UBE2R2: variants seen among roughly 807,000 people sequenced by gnomAD.
UBE2R2 encodes the protein ubiquitin-conjugating enzyme E2 R2.
Under a neutral mutation model 27.8 loss-of-function variants are expected in UBE2R2, and 1 was observed. The observed-to-expected ratio is 0.04, with a 90% CI of 0.01 to 0.17. The LOEUF (loss-of-function observed/expected upper bound fraction) is 0.17. Ranked by LOEUF, UBE2R2 falls within the 10% of genes least tolerant of loss-of-function variation. UBE2R2 has a pLI of 1.00. For synonymous variants in UBE2R2, 106 were observed against 113.3 expected (o/e 0.94, Z 0.41); for missense variants, 100 against 291.0 (o/e 0.34, Z 4.78).
chr9:33,822,836 G>C (rs896765506), intron 1 of UBE2R2, among the ~76,000 whole-genome samples: 3 of 150,810 alleles, frequency 2.0e-5, no homozygotes, highest in African/African-American at 7.3e-5. Context: ...AAACAAACCA[G>C]ACTTAGCCTA....
At chr9:33,915,536 C>A (rs1161232570) in intron 4 of UBE2R2, among the ~76,000 whole-genome samples, 3 of 152,080 alleles carry the variant, frequency 2.0e-5, no homozygotes, top group Non-Finnish European at 4.4e-5. Context: ...AGCAAGGCAA[C>A]AGAAGAAAAG....
At chr9:33,853,535 T>C (rs1437145469) in intron 1 of UBE2R2, among the ~76,000 whole-genome samples, 1 of 152,128 alleles carries the variant, frequency 6.6e-6, no homozygotes, top group South Asian at 2.1e-4. Flanking sequence ...TCCGCCCGCC[T>C]TGGCCTCCCA....
intron 2 of UBE2R2, among the ~76,000 whole-genome samples, chr9:33,899,357 G>A (rs1449627668): frequency 1.3e-5 from 2 of 151,828 alleles, no homozygotes; most frequent in African/African-American, 2.4e-5. Context: ...GTGCCACCAC[G>A]CCCGGCTAAT....
chr9:33,816,135 T>G (rs892507639), upstream of UBE2R2, among the ~76,000 whole-genome samples: 3 of 152,132 alleles, frequency 2.0e-5, no homozygotes, highest in Admixed American at 6.6e-5. Context: ...GGAACTAGGG[T>G]TGGAACCAAG....
At chr9:33,896,281 CT>C (rs141400502) in intron 2 of UBE2R2, among the ~76,000 whole-genome samples, 2 of 151,858 alleles carry the variant, frequency 1.3e-5, no homozygotes, top group Non-Finnish European at 2.9e-5. Flanking sequence ...ACTCAGTTTC[CT>C]TTTTTTCTTT....
chr9:33,873,984 G>A (rs1396087886), intron 1 of UBE2R2, among the ~76,000 whole-genome samples: 2 of 142,854 alleles, frequency 1.4e-5, no homozygotes, highest in African/African-American at 5.2e-5. Flanking sequence ...ATTTCGTTCT[G>A]TCACCCAGGC....
intron 1 of UBE2R2, among the ~76,000 whole-genome samples, chr9:33,865,051 G>A (rs968224773): frequency 6.0e-5 from 9 of 150,638 alleles, no homozygotes; most frequent in African/African-American, 2.2e-4. Flanking sequence ...TGTAGAGATG[G>A]GGTCTTGACA....
chr9:33,855,002 G>A (rs1821067687), intron 1 of UBE2R2, among the ~76,000 whole-genome samples: 1 of 114,956 alleles, frequency 8.7e-6, no homozygotes, highest in African/African-American at 3.5e-5. Flanking sequence ...ATCAATGATG[G>A]GCATGATAGT....
intron 1 of UBE2R2, among the ~76,000 whole-genome samples, chr9:33,867,549 T>G (rs564674260): frequency 1.6e-4 from 25 of 152,244 alleles, no homozygotes; most frequent in Non-Finnish European, 3.4e-4. Context: ...ATGAGAGTTA[T>G]GGTAGTTTTG....
rs1039002943 is a variant in UBE2R2 at position 33,837,590 on chromosome 9, T to C, written c.177+19656T>C. Among the ~76,000 whole-genome samples, 16 of 152,040 alleles carry C rather than the reference T, an allele frequency of 1.1e-4. 1 individual carries two copies. The highest frequency in any genetic ancestry group is 3.1e-4 in the African/African-American group (13 of 41,410). On this transcript the variant is annotated intron_variant, in intron 1 of 4. Transcript: ENST00000263228. ...GTAGGCACCTGCTACCACACCCAGC[T>C]AATTTTTATATTTTTAGTAGAGATG...
intron 1 of UBE2R2, among the ~76,000 whole-genome samples, chr9:33,865,819 T>C (rs1052800199): frequency 5.9e-5 from 9 of 151,864 alleles, no homozygotes; most frequent in African/African-American, 1.9e-4. Flanking sequence ...TTTAGTTTTT[T>C]TGTGTGTTTT....
intron 1 of UBE2R2, among the ~76,000 whole-genome samples, chr9:33,851,135 G>A (rs983077038): frequency 1.3e-4 from 19 of 151,902 alleles, no homozygotes; most frequent in African/African-American, 4.1e-4. Flanking sequence ...ATGTTTGTTC[G>A]TATCCTTTGG....
chr9:33,840,258 A>G (rs987258605), intron 1 of UBE2R2, among the ~76,000 whole-genome samples: 2 of 152,096 alleles, frequency 1.3e-5, no homozygotes, highest in Non-Finnish European at 2.9e-5. Flanking sequence ...GTTCCATTTC[A>G]GTTGTAACTC....
At chr9:33,916,545 T>C (rs919755629) in intron 4 of UBE2R2, among the ~76,000 whole-genome samples, 4 of 152,246 alleles carry the variant, frequency 2.6e-5, no homozygotes, top group African/African-American at 9.6e-5. Context: ...TATTCACATA[T>C]GCAACCTTTA....
intron 2 of UBE2R2, among the ~76,000 whole-genome samples, chr9:33,898,205 C>T (rs1300599097): frequency 1.3e-5 from 2 of 152,118 alleles, no homozygotes; most frequent in African/African-American, 4.8e-5. Context: ...CCTGCCTCAG[C>T]CTCCTGAGTA....
chr9:33,819,282 G>T (rs1263510016), intron 1 of UBE2R2, among the ~76,000 whole-genome samples: 3 of 152,124 alleles, frequency 2.0e-5, no homozygotes, highest in African/African-American at 7.2e-5. Context: ...CCTTCTAAAG[G>T]TGGAAACCTC....
upstream of UBE2R2, among the ~76,000 whole-genome samples, chr9:33,816,775 C>T (rs1317107618): frequency 6.6e-6 from 1 of 152,236 alleles, no homozygotes; most frequent in African/African-American, 2.4e-5. Flanking sequence ...CTGCGGAGGC[C>T]CCTGGATCCA....
chr9:33,844,930 A>G (rs539843866), intron 1 of UBE2R2, among the ~76,000 whole-genome samples: 20 of 150,934 alleles, frequency 1.3e-4, no homozygotes, highest in African/African-American at 4.9e-4. Context: ...CCACGCCTGG[A>G]TAATTTTTTT....
chr9:33,844,446 C>T (rs540493258), intron 1 of UBE2R2, among the ~76,000 whole-genome samples: 4 of 151,764 alleles, frequency 2.6e-5, no homozygotes, highest in African/African-American at 7.3e-5. Flanking sequence ...TCAGATGATC[C>T]GCCCGACTCA....
Sources: allele counts gnomAD v4.1 joint callset (sites outside exome capture counted in the v4.1 genomes callset), GRCh38; gene constraint gnomAD v4.1.1; transcripts MANE v1.5; gene names NCBI Gene and HGNC (gene_info 2026-07-23, HGNC 2026-07-21).